The following NIPBL variants were observed in gnomAD, a reference collection of about 807,000 sequenced individuals.
The protein encoded by NIPBL is nipped-B-like protein.
Under a neutral mutation model 321.8 loss-of-function variants are expected in NIPBL, and 19 were observed. The ratio of observed to expected loss-of-function variants is 0.06; its 90% CI spans 0.04 to 0.09. The LOEUF (loss-of-function observed/expected upper bound fraction) is 0.09. Among genes scored for constraint, NIPBL ranks in the 10% least tolerant of loss-of-function variants. NIPBL has a pLI of 1.00. For synonymous variants in NIPBL, 1,106 were observed against 1,114.1 expected, an observed-to-expected ratio of 0.99 and a Z score of 0.14; for missense variants, 2,210 against 3,327.0, an observed-to-expected ratio of 0.66 and a Z score of 8.26.
Position 36,971,969 on chromosome 5 carries a change from A to G in NIPBL, c.796A>G (p.Asn266Asp). 1 of 1,611,356 alleles carries G rather than the reference A, an allele frequency of 6.2e-7. No homozygotes were observed. The highest frequency in any genetic ancestry group is 8.5e-7 in the Non-Finnish European group (1 of 1,178,612). ...GGATGGAGATTCTTCAACAATGAGG[A>G]ATGCTGCATCTTTTCCCTTGAGATC... ...SDDGDSSTMR[N>D]AASFPLRSPQ... Residue 266 changes from asparagine to aspartate, a missense_variant, in exon 8 of 47, where the codon AAT becomes GAT. Around this residue, in one of 14 missense-constraint regions of NIPBL, gnomAD observed 464 missense variants for 529.5 expected, o/e 0.88. Coordinates refer to ENST00000282516, the MANE Select transcript of NIPBL (RefSeq NM_133433.4).
chr5:36,960,580 T>C (rs1456940245), intron 4 of NIPBL, among the ~76,000 whole-genome samples: 3 of 152,186 alleles, frequency 2.0e-5, no homozygotes, highest in Non-Finnish European at 4.4e-5. Context: ...TTTGTAGTAC[T>C]CTTAGCAAAT....
chr5:37,063,294 A>G (rs1221282786), intron 45 of NIPBL, among the ~76,000 whole-genome samples: 1 of 152,236 alleles, frequency 6.6e-6, no homozygotes, highest in African/African-American at 2.4e-5. Context: ...ATTGACTGCA[A>G]ACCTTACTCT....
At chr5:37,010,349 T>C (rs977574716) in intron 21 of NIPBL, 124 bp downstream of exon 21, 1 of 771,842 alleles carries the variant, frequency 1.3e-6, no homozygotes, top group Non-Finnish European at 2.0e-6. Context: ...GGAGTCTCGC[T>C]CTGTCACCCA....
chr5:36,900,871 T>TC (rs1456759717), intron 1 of NIPBL, among the ~76,000 whole-genome samples: 1 of 152,140 alleles, frequency 6.6e-6, no homozygotes, highest in Non-Finnish European at 1.5e-5. Flanking sequence ...CCAGCGTAAT[T>TC]CCATCTTTTC....
At chr5:37,014,651 T>A (rs1371990193) in intron 21 of NIPBL, 32 bp from the exon 22 acceptor site, 1 of 1,280,040 alleles carries the variant, frequency 7.8e-7, no homozygotes, top group Admixed American at 1.7e-5. Context: ...TTATTTCTTG[T>A]ATCTTTATAA....
chr5:36,904,165 AT>A (rs1747445577), intron 1 of NIPBL, among the ~76,000 whole-genome samples: 2 of 152,272 alleles, frequency 1.3e-5, no homozygotes, highest in Admixed American at 6.5e-5. Context: ...AGATAAAGTG[AT>A]TCTTAAGAAT....
At position 37,019,395 on chromosome 5, in the gene NIPBL, C is replaced by A. The variant is rs916625417; in HGVS notation, c.5005C>A (p.Leu1669Ile). Residue 1669 changes from leucine (L) to isoleucine (I), a missense_variant, in exon 25 of 47, where the codon CTA (leucine) becomes ATA (isoleucine). Transcript: ENST00000282516. The stretch of plus-strand genomic sequence containing the variant: ...TGAAAACACTGAGACTGATCCTTCA[C>A]TAGTGGTAGGATTCTTTTCCCCTGT... The part of the protein sequence containing the change: ...LDENTETDPS[L>I]VFSRKFYIAQ... The A allele has an allele frequency of 2.5e-6, 4 of 1,605,242 alleles. No individual in the cohort carries two copies. The highest frequency in any genetic ancestry group is 3.4e-6 in the Non-Finnish European group (4 of 1,172,214).
intron 1 of NIPBL, among the ~76,000 whole-genome samples, chr5:36,936,979 T>A (rs1247811404): frequency 6.6e-6 from 1 of 152,180 alleles, no homozygotes; most frequent in African/African-American, 2.4e-5. Context: ...TGTTCACATA[T>A]AGCCTTTTCT....
rs117027867 is a variant in NIPBL, at chr5:37,061,336, C to A, written c.7860+318C>A. ...GTATCTGCGGGAAATTGGTTCCAGTCCCCCCATGGATACCCAAATCCTCCG... is the reference window on the plus strand; with the variant it reads ...GTATCTGCGGGAAATTGGTTCCAGTACCCCCATGGATACCCAAATCCTCCG... On this transcript the variant is annotated intron_variant, in intron 45 of 46. Coordinates refer to ENST00000282516, the MANE Select transcript of NIPBL (RefSeq NM_133433.4). Among the ~76,000 whole-genome samples the A allele has an allele frequency of 5.3e-5, 8 of 152,104 alleles. No homozygotes were observed. In the East Asian group the frequency reaches 1.4e-3, roughly 26 times the overall value.
chr5:36,992,825 C>G (rs1027818034), intron 10 of NIPBL, among the ~76,000 whole-genome samples: 3 of 151,888 alleles, frequency 2.0e-5, no homozygotes, highest in Admixed American at 2.0e-4. Context: ...TCACTGCAGA[C>G]TCCGCCTTCC....
rs1306994328 is a variant in NIPBL at position 37,044,445 on chromosome 5, T to G, written c.6207T>G (p.Ile2069Met). The stretch of plus-strand genomic sequence containing the variant: ...CAAGTGAAACTTTTCTTGCCACTAT[T>G]GAGGAAGATCTAATGAAGCTCATCA... ...EHPSETFLATIEEDLMKLIIK... is the reference protein window; with the variant it reads ...EHPSETFLATMEEDLMKLIIK... Residue 2069 changes from isoleucine to methionine, a missense_variant, in exon 35 of 47, where the codon ATT (isoleucine) becomes ATG (methionine). Ile to Met is a conservative substitution (Grantham distance 10). Coordinates refer to ENST00000282516, the MANE Select transcript of NIPBL (RefSeq NM_133433.4). 10 of 1,614,062 alleles carry G rather than the reference T, an allele frequency of 6.2e-6. No individual in the cohort carries two copies. Among genetic ancestry groups the G allele is most frequent in the Non-Finnish European group, 8.5e-6 (10 of 1,179,938 alleles).
At chr5:36,877,256 C>A (rs1166287083) in intron 1 of NIPBL, 78 bp downstream of exon 1, 1 of 169,866 alleles carries the variant, frequency 5.9e-6, no homozygotes, top group African/African-American at 2.4e-5. Context: ...CTCCTCGCTC[C>A]CCTCCCCGCC....
chr5:36,964,741 C>A (rs1742018176), intron 6 of NIPBL, among the ~76,000 whole-genome samples: 2 of 152,202 alleles, frequency 1.3e-5, no homozygotes, highest in African/African-American at 4.8e-5. Flanking sequence ...AATGAAGAGA[C>A]AACCTACAGA....
At chr5:36,970,228 A>C (rs534268137) in intron 6 of NIPBL, among the ~76,000 whole-genome samples, 1 of 151,842 alleles carries the variant, frequency 6.6e-6, no homozygotes. Flanking sequence ...ATCTCTACCA[A>C]AAAAAGAAAA....
intron 10 of NIPBL, among the ~76,000 whole-genome samples, chr5:36,988,832 C>A (rs1008829801): frequency 4.6e-5 from 7 of 151,996 alleles, no homozygotes; most frequent in African/African-American, 1.7e-4. Context: ...AATATTCATT[C>A]TTTAGGATAT....
chr5:36,972,567 T>A (rs1387475897), intron 8 of NIPBL, among the ~76,000 whole-genome samples: 1 of 152,156 alleles, frequency 6.6e-6, no homozygotes, highest in African/African-American at 2.4e-5. Context: ...TTTTCATGCA[T>A]AAGACTCCTA....
intron 21 of NIPBL, among the ~76,000 whole-genome samples, chr5:37,013,777 G>A (rs1370592675): frequency 3.3e-5 from 5 of 151,846 alleles, no homozygotes; most frequent in Non-Finnish European, 5.9e-5. Flanking sequence ...GCGGCCAGGC[G>A]GAGATGCTCC....
intron 23 of NIPBL, among the ~76,000 whole-genome samples, chr5:37,016,656 G>C (rs936925185): frequency 2.0e-5 from 3 of 152,076 alleles, no homozygotes; most frequent in Admixed American, 2.0e-4. Context: ...ACCTTTTTGT[G>C]AATGGGAAAA....
At chr5:37,054,361 A>C (rs1012340481) in intron 42 of NIPBL, among the ~76,000 whole-genome samples, 2 of 152,230 alleles carry the variant, frequency 1.3e-5, no homozygotes, top group Non-Finnish European at 1.5e-5. Flanking sequence ...TCATATCATT[A>C]TCAGTATTAA....
Sources: gnomAD v4.1 joint callset for allele counts (sites outside exome capture counted in the v4.1 genomes callset) on GRCh38, gnomAD v4.1.1 for gene constraint, gnomAD v4.1.1 regional missense constraint, MANE v1.5 for transcripts, NCBI Gene and HGNC (gene_info 2026-07-23, HGNC 2026-07-21) for gene names.